The following CNTNAP2 variants were observed in gnomAD, a reference collection of about 807,000 sequenced individuals.
CNTNAP2 encodes contactin associated protein 2.
In CNTNAP2, 98 loss-of-function variants were observed where a neutral mutation model predicts 155.2. That is an observed-to-expected ratio of 0.63 (90% confidence interval 0.54 to 0.75). The LOEUF (loss-of-function observed/expected upper bound fraction) is 0.75. Ranked by LOEUF, CNTNAP2 falls within the 30% of genes least tolerant of loss-of-function variation. The pLI, the probability that CNTNAP2 is intolerant of heterozygous loss-of-function variation, is 0.00. For missense variants in CNTNAP2, 1,727 were observed against 1,688.1 expected (o/e 1.02, Z -0.40); for synonymous variants, 651 against 631.2 (o/e 1.03, Z -0.47).
chr7:148,371,625 A>G (rs574511203), intron 21 of CNTNAP2, among the ~76,000 whole-genome samples: 1 of 152,340 alleles, frequency 6.6e-6, no homozygotes, highest in African/African-American at 2.4e-5. Flanking sequence ...TCATCTCATG[A>G]TTAATCTACC....
chr7:147,291,282 C>T (rs146045898), intron 8 of CNTNAP2, among the ~76,000 whole-genome samples: 2 of 152,124 alleles, frequency 1.3e-5, no homozygotes, highest in Admixed American at 1.3e-4. Flanking sequence ...TTAAGCCCCA[C>T]ATGCATGAGG....
chr7:146,299,395 A>G (rs1273554942), intron 1 of CNTNAP2, among the ~76,000 whole-genome samples: 2 of 152,068 alleles, frequency 1.3e-5, no homozygotes, highest in African/African-American at 2.4e-5. Context: ...CTCAAAGCCA[A>G]TGATTATTTA....
At chr7:147,307,048 T>G (rs1795042377) in intron 9 of CNTNAP2, among the ~76,000 whole-genome samples, 1 of 152,180 alleles carries the variant, frequency 6.6e-6, no homozygotes, top group African/African-American at 2.4e-5. Context: ...ATACTGTACT[T>G]GTCTTGGAAT....
intron 17 of CNTNAP2, among the ~76,000 whole-genome samples, chr7:148,164,346 G>T (rs1451238632): frequency 6.6e-6 from 1 of 151,938 alleles, no homozygotes; most frequent in Non-Finnish European, 1.5e-5. Context: ...ACTTGGGAAG[G>T]CCCAGCCTGC....
rs1322426105 is a variant in CNTNAP2, at chr7:146,852,888, T to A, written c.402+12984T>A. On this transcript the variant is annotated intron_variant, in intron 3 of 23. Transcript: ENST00000361727. Reference sequence around the variant, plus strand: ...TGAAGTCGTTGTTTATCTTATGCACTTAGCAAGCACAATTGTTCATTCTAT... The same window carrying A: ...TGAAGTCGTTGTTTATCTTATGCACATAGCAAGCACAATTGTTCATTCTAT... Among the ~76,000 whole-genome samples the A allele has an allele frequency of 2.0e-5, 3 of 152,216 alleles. No homozygotes were observed. The East Asian group carries it at 5.8e-4, about 29-fold the overall frequency.
intron 1 of CNTNAP2, among the ~76,000 whole-genome samples, chr7:146,684,021 C>T (rs1191427446): frequency 6.6e-6 from 1 of 152,182 alleles, no homozygotes; most frequent in African/African-American, 2.4e-5. Context: ...TCTTGCTCTC[C>T]TTTGACAAGC....
At chr7:147,207,786 AT>A (rs1357163859) in intron 8 of CNTNAP2, among the ~76,000 whole-genome samples, 4 of 152,124 alleles carry the variant, frequency 2.6e-5, no homozygotes, top group African/African-American at 7.2e-5. Flanking sequence ...AAGAAAGCAC[AT>A]TTTTTATGGC....
At chr7:148,088,592 AG>A (rs1439168784) in intron 15 of CNTNAP2, among the ~76,000 whole-genome samples, 3 of 151,890 alleles carry the variant, frequency 2.0e-5, no homozygotes, top group Non-Finnish European at 4.4e-5. Context: ...TTAGTCTCAT[AG>A]AACCCACCAA....
At chr7:147,645,598 A>G (rs1207900662) in intron 13 of CNTNAP2, among the ~76,000 whole-genome samples, 3 of 152,256 alleles carry the variant, frequency 2.0e-5, no homozygotes, top group Non-Finnish European at 4.4e-5. Flanking sequence ...TGAAGGGGAC[A>G]GAGGGATTGC....
chr7:146,785,813 G>A (rs1447056820), intron 2 of CNTNAP2, among the ~76,000 whole-genome samples: 1 of 152,188 alleles, frequency 6.6e-6, no homozygotes, highest in Non-Finnish European at 1.5e-5. Context: ...AGACCATGAG[G>A]ATAATGTTGA....
intron 13 of CNTNAP2, among the ~76,000 whole-genome samples, chr7:147,694,156 T>A (rs954322795): frequency 2.6e-5 from 4 of 152,084 alleles, no homozygotes; most frequent in Admixed American, 1.3e-4. Context: ...ATGGATTACA[T>A]TAATTGATTT....
chr7:147,836,735 T>C (rs1408658685), intron 13 of CNTNAP2, among the ~76,000 whole-genome samples: 1 of 152,222 alleles, frequency 6.6e-6, no homozygotes, highest in Non-Finnish European at 1.5e-5. Context: ...GCCTGGCATA[T>C]AGCAGCCACT....
At chr7:146,873,719 A>G (rs918478707) in intron 3 of CNTNAP2, among the ~76,000 whole-genome samples, 1 of 152,076 alleles carries the variant, frequency 6.6e-6, no homozygotes, top group Non-Finnish European at 1.5e-5. Flanking sequence ...CTGTATCACA[A>G]TTACATGAGG....
Position 146,905,472 on chromosome 7 carries a change from C to A in CNTNAP2, c.402+65568C>A, listed in dbSNP as rs183208135. Among the ~76,000 whole-genome samples the A allele has an allele frequency of 4.6e-5, 7 of 152,184 alleles. No individual in the cohort carries two copies. The East Asian group carries it at 1.4e-3, about 29-fold the overall frequency. Reference sequence around the variant, plus strand: ...CTTTCATCCTCTTACGAGTTGGTTCCAGCAGAAGTTTGGAGTAAAATTCTT... The same window carrying A: ...CTTTCATCCTCTTACGAGTTGGTTCAAGCAGAAGTTTGGAGTAAAATTCTT... On this transcript the variant is annotated intron_variant, in intron 3 of 23. Coordinates refer to ENST00000361727, the MANE Select transcript of CNTNAP2 (RefSeq NM_014141.6).
At chr7:147,103,351 T>C (rs1016280419) in intron 4 of CNTNAP2, among the ~76,000 whole-genome samples, 1 of 152,122 alleles carries the variant, frequency 6.6e-6, no homozygotes, top group East Asian at 1.9e-4. Context: ...GAATGATCAA[T>C]GTATCTAAAA....
rs1799193585 is a variant in CNTNAP2 at position 147,519,478 on chromosome 7, C to T, written c.1777+33437C>T. On this transcript the variant is annotated intron_variant, in intron 11 of 23. Transcript: ENST00000361727. ...CTTTTGTCATATAAAGTAATTTATC[C>T]ACAGGTTTAAGGGATAGGGCAGCAA... is the stretch of plus-strand genomic sequence containing the variant. 2.0e-5 allele frequency among the ~76,000 whole-genome samples: 3 copies of T among 152,158 alleles called. No individual in the cohort carries two copies. The South Asian group carries it at 6.2e-4, about 31-fold the overall frequency.
At chr7:148,289,848 A>G (rs1425387846) in intron 21 of CNTNAP2, among the ~76,000 whole-genome samples, 1 of 152,354 alleles carries the variant, frequency 6.6e-6, no homozygotes, top group Non-Finnish European at 1.5e-5. Flanking sequence ...CTGCACACAC[A>G]TGATGTCATC....
chr7:146,644,859 A>T (rs1340525337), intron 1 of CNTNAP2, among the ~76,000 whole-genome samples: 7 of 152,068 alleles, frequency 4.6e-5, no homozygotes, highest in Non-Finnish European at 1.0e-4. Context: ...AACCAAAACG[A>T]GTCCAGGACC....
intron 3 of CNTNAP2, among the ~76,000 whole-genome samples, chr7:146,977,079 A>C (rs923133134): frequency 6.6e-6 from 1 of 152,160 alleles, no homozygotes; most frequent in Non-Finnish European, 1.5e-5. Context: ...AAGAACCCCA[A>C]CGTTATAACA....
Sources: allele counts gnomAD v4.1 joint callset (sites outside exome capture counted in the v4.1 genomes callset), GRCh38; gene constraint gnomAD v4.1.1; transcripts MANE v1.5; gene names NCBI Gene and HGNC (gene_info 2026-07-23, HGNC 2026-07-21).